Variants in WDR48 observed in about 807,000 individuals in gnomAD.
WDR48 encodes WD repeat domain 48, also known as WD repeat-containing protein 48.
Under a neutral mutation model 94.0 loss-of-function variants are expected in WDR48, and 22 were observed. That is an observed-to-expected ratio of 0.23 (90% CI 0.17 to 0.33). The LOEUF (loss-of-function observed/expected upper bound fraction) is 0.33. WDR48 is among the 10% of genes least tolerant of loss of function. WDR48 has a pLI of 1.00. For synonymous variants in WDR48, 278 were observed against 280.5 expected, an observed-to-expected ratio of 0.99 and a Z score of 0.09; for missense variants, 541 against 813.8, an observed-to-expected ratio of 0.66 and a Z score of 4.08.
chr3:39,085,609 T>C lies in WDR48; in HGVS notation c.1473T>C (p.His491=). The C allele has an allele frequency of 1.2e-6, 2 of 1,606,498 alleles. No individual in the cohort carries two copies. The highest frequency in any genetic ancestry group is 1.7e-5 in the Admixed American group (1 of 58,054). Residue 491 remains histidine (H), a splice_region_variant and synonymous_variant, in exon 14 of 19, where the codon CAT becomes CAC. Transcript: ENST00000302313. ...ATGAAGAGGAAAATGAAGTAAACCA[T>C]GGTTAGTTTTTATATTCAGATAGTT... is the stretch of plus-strand genomic sequence containing the variant. ...PMDEEENEVN[H]VNGEQENRVQ...
chr3:39,087,378 AGGCTGCCCTGCCCAGCAGCCT>A (rs2034865805), intron 14 of WDR48, among the ~76,000 whole-genome samples: 1 of 152,194 alleles, frequency 6.6e-6, no homozygotes, highest in South Asian at 2.1e-4. Flanking sequence ...GCTTATGTTT[AGGCTGCCCTGCCCAGCAGCCT>A]TGAACCCAGG....
intron 11 of WDR48, among the ~76,000 whole-genome samples, chr3:39,081,881 G>T (rs1028486020): frequency 7.9e-5 from 12 of 152,192 alleles, no homozygotes; most frequent in Non-Finnish European, 2.9e-5. Flanking sequence ...GCATTTCTGT[G>T]TACCTAGCAG....
chr3:39,065,986 A>C, intron 3 of WDR48, 97 bp downstream of exon 3: 1 of 807,614 alleles, frequency 1.2e-6, no homozygotes, highest in Non-Finnish European at 1.8e-6. Context: ...AAGTACACAC[A>C]CTTCGAGATT....
At chr3:39,076,236 T>G (rs1472118222) in intron 8 of WDR48, among the ~76,000 whole-genome samples, 2 of 152,136 alleles carry the variant, frequency 1.3e-5, no homozygotes, top group African/African-American at 4.8e-5. Context: ...CCAAGTACGG[T>G]TCTTTAAAAT....
In WDR48 at chr3:39,069,794, C is replaced by T. The variant is rs201036643; in HGVS notation, c.672+50C>T. 170 of 1,517,858 alleles carry T rather than the reference C, an allele frequency of 1.1e-4. 1 individual carries two copies. The highest frequency in any genetic ancestry group is 8.2e-4 in the East Asian group (36 of 43,978). The allele number at this position is 1,517,858 out of a possible 1,614,324, so 94.0% of individuals were successfully genotyped here. A position where few individuals can be genotyped will look rare whatever the true frequency, so the allele number is the denominator to read the frequency against. The stretch of plus-strand genomic sequence containing the variant: ...ACCTAATAACCTTGTTAGAAATTTC[C>T]GCACTTTGTATACTATTGCATAGGT... On this transcript the variant is annotated intron_variant, in intron 7 of 18. Transcript: ENST00000302313.
chr3:39,082,342 CGCAACCTCAGCTCACT>C (rs1218948527), intron 11 of WDR48, among the ~76,000 whole-genome samples: 1 of 151,088 alleles, frequency 6.6e-6, no homozygotes, highest in Non-Finnish European at 1.5e-5. Flanking sequence ...AGTGCAGTGG[CGCAACCTCAGCTCACT>C]GCAACCTCTG....
intron 2 of WDR48, among the ~76,000 whole-genome samples, chr3:39,064,358 C>T (rs1057501435): frequency 6.6e-6 from 1 of 151,420 alleles, no homozygotes; most frequent in African/African-American, 2.4e-5. Context: ...ACTGCAACCT[C>T]TTGACTCCTG....
chr3:39,078,568 G>A (rs752235059), intron 10 of WDR48, among the ~76,000 whole-genome samples: 8 of 151,874 alleles, frequency 5.3e-5, no homozygotes, highest in Non-Finnish European at 7.4e-5. Context: ...ACAGGTGTGA[G>A]CTACCATGCC....
At chr3:39,073,088 A>G (rs565180654) in intron 7 of WDR48, among the ~76,000 whole-genome samples, 13 of 152,292 alleles carry the variant, frequency 8.5e-5, no homozygotes, top group Admixed American at 2.6e-4. Context: ...TAAGTTGTCA[A>G]ATCTTACTCT....
chr3:39,079,999 A>T (rs1223409004), intron 11 of WDR48, among the ~76,000 whole-genome samples, 191 bp downstream of exon 11: 1 of 150,776 alleles, frequency 6.6e-6, no homozygotes, highest in Non-Finnish European at 1.5e-5. Context: ...AAACTGTTTA[A>T]ATGGAATCAT....
chr3:39,077,990 G>A, intron 9 of WDR48, 147 bp from the exon 10 acceptor site: 3 of 595,104 alleles, frequency 5.0e-6, no homozygotes, highest in Non-Finnish European at 9.0e-6. Context: ...ATAGATAATT[G>A]TACTGTGACC....
At chr3:39,053,407 T>G (rs1305825390) in intron 1 of WDR48, among the ~76,000 whole-genome samples, 1 of 152,198 alleles carries the variant, frequency 6.6e-6, no homozygotes, top group Non-Finnish European at 1.5e-5. Context: ...TACAGTGTCT[T>G]AAGCACTCAC....
chr3:39,077,329 G>A, intron 9 of WDR48, 116 bp downstream of exon 9: 2 of 1,075,448 alleles, frequency 1.9e-6, no homozygotes, highest in Non-Finnish European at 1.4e-6. Flanking sequence ...CTTTTGGGCA[G>A]GGGCAAAAAC....
At chr3:39,082,350 C>T (rs918729859) in intron 11 of WDR48, among the ~76,000 whole-genome samples, 2 of 151,664 alleles carry the variant, frequency 1.3e-5, no homozygotes, top group African/African-American at 4.8e-5. Flanking sequence ...GGCGCAACCT[C>T]AGCTCACTGC....
intron 7 of WDR48, among the ~76,000 whole-genome samples, chr3:39,072,046 A>AT (rs1341257565): frequency 6.6e-6 from 1 of 152,184 alleles, no homozygotes; most frequent in African/African-American, 2.4e-5. Context: ...TGAGCTTGTA[A>AT]TATAGGGTAC....
In WDR48 at chr3:39,065,684, A is replaced by C. The variant is rs1379502883; in HGVS notation, c.190-127A>C. 5.5e-6 allele frequency: 3 copies of C among 550,076 alleles called. No homozygotes were observed. In the African/African-American group the frequency reaches 6.0e-5, roughly 11 times the overall value. 34.1% of individuals were successfully genotyped at this position (550,076 alleles called of 1,614,324 possible). The stretch of plus-strand genomic sequence containing the variant: ...ACCTATTTGGTGAGATTCTACTCAG[A>C]ATTCAGGTGTTAGTTTTAATGCCTA... On this transcript the variant is annotated intron_variant, in intron 2 of 18. Coordinates refer to ENST00000302313, the MANE Select transcript of WDR48 (RefSeq NM_020839.4).
At chr3:39,082,739 A>C (rs906407026) in intron 11 of WDR48, among the ~76,000 whole-genome samples, 1 of 152,226 alleles carries the variant, frequency 6.6e-6, no homozygotes, top group Non-Finnish European at 1.5e-5. Flanking sequence ...AAAGATGTTG[A>C]ATTTGAGTTT....
chr3:39,078,549 G>T (rs965833526), intron 10 of WDR48, among the ~76,000 whole-genome samples: 1 of 151,860 alleles, frequency 6.6e-6, no homozygotes, highest in African/African-American at 2.4e-5. Context: ...CTCCTGAGCA[G>T]CTGGAATTAC....
intron 6 of WDR48, among the ~76,000 whole-genome samples, chr3:39,069,233 C>T (rs894231679): frequency 5.9e-5 from 9 of 152,148 alleles, no homozygotes; most frequent in African/African-American, 2.2e-4. Flanking sequence ...CCTTGGCCTC[C>T]CAGAGTGCTG....
Sources: allele counts gnomAD v4.1 joint callset (sites outside exome capture counted in the v4.1 genomes callset), GRCh38; gene constraint gnomAD v4.1.1; transcripts MANE v1.5; gene names NCBI Gene and HGNC (gene_info 2026-07-23, HGNC 2026-07-21).